The following CFAP54 variants were observed in gnomAD, a reference collection of about 807,000 sequenced individuals.
The protein encoded by CFAP54 is cilia and flagella associated protein 54, also known as cilia- and flagella-associated protein 54.
A neutral mutation model predicts 370.4 loss-of-function variants in CFAP54; 290 were observed. The observed-to-expected ratio is 0.78, with a 90% confidence interval of 0.71 to 0.86. The LOEUF (loss-of-function observed/expected upper bound fraction) is 0.86. CFAP54 is among the 40% of genes least tolerant of loss of function. CFAP54 has a pLI of 0.00. For synonymous variants in CFAP54, 1,206 were observed against 1,236.5 expected, an observed-to-expected ratio of 0.98 and a Z score of 0.52; for missense variants, 3,399 against 3,528.7, an observed-to-expected ratio of 0.96 and a Z score of 0.93.
intron 20 of CFAP54, 133 bp from the exon 21 acceptor site, chr12:96,580,464 C>T (rs1956021667): frequency 4.0e-6 from 2 of 503,310 alleles, no homozygotes; most frequent in Non-Finnish European, 6.8e-6. Flanking sequence ...AAGATTAAAC[C>T]TAAGTATATT....
chr12:96,563,413 G>A (rs1012365934), intron 17 of CFAP54, among the ~76,000 whole-genome samples: 1 of 152,154 alleles, frequency 6.6e-6, no homozygotes, highest in African/African-American at 2.4e-5. Context: ...AATAATGGTT[G>A]CCTGTTGATG....
At chr12:96,754,884 T>C (rs1409844578) in intron 56 of CFAP54, among the ~76,000 whole-genome samples, 4 of 151,926 alleles carry the variant, frequency 2.6e-5, no homozygotes, top group Admixed American at 2.0e-4. Flanking sequence ...ACTGGGACCA[T>C]AGGCGTGCAC....
At chr12:96,522,687 A>C (rs1955334060) in intron 8 of CFAP54, among the ~76,000 whole-genome samples, 2 of 152,218 alleles carry the variant, frequency 1.3e-5, no homozygotes, top group Non-Finnish European at 2.9e-5. Flanking sequence ...TTTATTGCCT[A>C]CTGGAGTCAT....
At chr12:96,536,623 T>TTCC (rs1302066092) in intron 12 of CFAP54, among the ~76,000 whole-genome samples, 1 of 113,980 alleles carries the variant, frequency 8.8e-6, no homozygotes, top group Non-Finnish European at 1.9e-5. Context: ...TCTTTTTCTT[T>TTCC]TTCTTTTTTT....
chr12:96,613,901 C>G (rs1309958102), intron 26 of CFAP54, among the ~76,000 whole-genome samples: 2 of 151,974 alleles, frequency 1.3e-5, no homozygotes, highest in Non-Finnish European at 2.9e-5. Context: ...AGTCCAGGAC[C>G]AGATGGATTC....
chr12:96,757,558 A>G lies in CFAP54; in HGVS notation c.8010A>G (p.Ile2670Met), dbSNP rs1958276247. The change falls in exon 58 of 68, where the codon ATA becomes ATG. Residue 2670 changes from isoleucine to methionine, a missense_variant. Ile to Met is a conservative substitution (Grantham distance 10). Transcript: ENST00000524981. ...ATTTTCATCTGAAGAAGCCAAAGAT[A>G]AAAATTTCAGGATCACCATTAACAC... is the stretch of plus-strand genomic sequence containing the variant. ...LLYFHLKKPK[I>M]KISGSPLTLK... 2.5e-6 allele frequency: 4 copies of G among 1,597,554 alleles called. No homozygotes were observed. Among genetic ancestry groups the G allele is most frequent in the African/African-American group, 1.3e-5 (1 of 74,722 alleles).
At chr12:96,766,000 A>C (rs934417036) in intron 60 of CFAP54, among the ~76,000 whole-genome samples, 11 of 152,140 alleles carry the variant, frequency 7.2e-5, no homozygotes, top group Non-Finnish European at 1.5e-4. Flanking sequence ...TTACTTCCAG[A>C]CTGACATTTC....
chr12:96,702,352 A>G (rs1183561433), intron 46 of CFAP54, among the ~76,000 whole-genome samples: 1 of 152,136 alleles, frequency 6.6e-6, no homozygotes, highest in Non-Finnish European at 1.5e-5. Flanking sequence ...GCAGGGACAC[A>G]TTTGGGAATG....
intron 64 of CFAP54, among the ~76,000 whole-genome samples, chr12:96,812,348 TC>T (rs1958936028): frequency 6.6e-6 from 1 of 152,176 alleles, no homozygotes; most frequent in Admixed American, 6.5e-5. Context: ...AGTCTCTGCT[TC>T]ATCTAGGTTG....
intron 19 of CFAP54, among the ~76,000 whole-genome samples, chr12:96,569,420 A>G (rs1049621110): frequency 2.0e-5 from 3 of 152,192 alleles, no homozygotes; most frequent in Non-Finnish European, 4.4e-5. Context: ...ATTATTGCTT[A>G]GGAAAATAAG....
chr12:96,497,728 GATGTACTGCAC>G (rs1275496303), intron 1 of CFAP54, among the ~76,000 whole-genome samples: 2 of 152,190 alleles, frequency 1.3e-5, no homozygotes, highest in African/African-American at 2.4e-5. Context: ...GCTATGCCTT[GATGTACTGCAC>G]ATGAAAACGT....
rs185630793 is a variant in CFAP54, at chr12:96,506,909, A to G, written c.568-19A>G. The G allele has an allele frequency of 4.1e-4, 630 of 1,520,310 alleles. 1 individual carries two copies. The African/African-American group carries it at 7.7e-3, about 19-fold the overall frequency. 94.2% of individuals were successfully genotyped at this position (1,520,310 alleles called of 1,614,324 possible). Reference sequence around the variant, plus strand: ...GCCAGTTATTTCTATTTCTATTTCTATTTTCCCATGTGTTTCAGTTTCATG... The same window carrying G: ...GCCAGTTATTTCTATTTCTATTTCTGTTTTCCCATGTGTTTCAGTTTCATG... On this transcript the variant is annotated intron_variant, in intron 3 of 67. Coordinates refer to ENST00000524981, the MANE Select transcript of CFAP54 (RefSeq NM_001306084.2).
At chr12:96,872,168 A>G (rs1565769773) in intron 67 of CFAP54, among the ~76,000 whole-genome samples, 1 of 152,092 alleles carries the variant, frequency 6.6e-6, no homozygotes. Flanking sequence ...TAGGAAAAAC[A>G]TATTAAAATC....
chr12:96,676,828 G>C (rs1357828937), intron 39 of CFAP54, among the ~76,000 whole-genome samples: 1 of 151,910 alleles, frequency 6.6e-6, no homozygotes, highest in Admixed American at 6.6e-5. Context: ...CACCCAGCTT[G>C]GTGTCTTTAC....
intron 32 of CFAP54, among the ~76,000 whole-genome samples, chr12:96,643,372 C>A (rs1235505907): frequency 1.6e-5 from 2 of 126,912 alleles, no homozygotes; most frequent in Non-Finnish European, 3.3e-5. Flanking sequence ...TCCTATCCAT[C>A]ATTCTTTTTT....
chr12:96,716,840 G>A (rs1380762379), intron 48 of CFAP54, among the ~76,000 whole-genome samples: 1 of 152,200 alleles, frequency 6.6e-6, no homozygotes, highest in African/African-American at 2.4e-5. Context: ...AGCTTGCCAG[G>A]TGCTCAGAAA....
chr12:96,644,422 C>T lies in CFAP54; in HGVS notation c.4547+14C>T. ...TATGATGGTCAGGTATAGTATATTA[C>T]TGATGAAAAATACTTTTTTAGTTTC... On this transcript the variant is annotated intron_variant, in intron 33 of 67. Transcript: ENST00000524981. 1.4e-6 allele frequency: 2 copies of T among 1,479,156 alleles called. No homozygotes were observed. The highest frequency in any genetic ancestry group is 2.5e-5 in the East Asian group (1 of 40,596). 91.6% of individuals were successfully genotyped at this position (1,479,156 alleles called of 1,614,324 possible). A position where few individuals can be genotyped will look rare whatever the true frequency, so the allele number is the denominator to read the frequency against.
intron 40 of CFAP54, chr12:96,682,090 CT>C (rs1271753814): frequency 1.2e-5 from 11 of 893,354 alleles, no homozygotes; most frequent in Non-Finnish European, 1.5e-5. Context: ...CCCAACTTCC[CT>C]TCTTTCTACA....
At chr12:96,649,036 T>G (rs1340868592) in intron 34 of CFAP54, among the ~76,000 whole-genome samples, 1 of 152,218 alleles carries the variant, frequency 6.6e-6, no homozygotes. Context: ...AATTTATTTC[T>G]AATGCCTTTA....
Sources: gnomAD v4.1 joint callset for allele counts (sites outside exome capture counted in the v4.1 genomes callset) on GRCh38, gnomAD v4.1.1 for gene constraint, MANE v1.5 for transcripts, NCBI Gene and HGNC (gene_info 2026-07-23, HGNC 2026-07-21) for gene names.